Variants in LAMC1 observed in about 807,000 individuals in gnomAD.
LAMC1 encodes the protein laminin subunit gamma 1.
A neutral mutation model predicts 173.6 loss-of-function variants in LAMC1; 38 were observed. That is an observed-to-expected ratio of 0.22 (90% CI 0.17 to 0.29). LAMC1 has a LOEUF of 0.29. Among genes scored for constraint, LAMC1 ranks in the 10% least tolerant of loss-of-function variants. LAMC1 has a pLI of 1.00. For missense variants in LAMC1, 1,824 were observed against 2,051.8 expected, an observed-to-expected ratio of 0.89 and a Z score of 2.14; for synonymous variants, 746 against 749.1, an observed-to-expected ratio of 1.00 and a Z score of 0.07.
intron 1 of LAMC1, among the ~76,000 whole-genome samples, chr1:183,100,143 A>G (rs1558047682): frequency 1.3e-5 from 2 of 152,156 alleles, no homozygotes; most frequent in African/African-American, 2.4e-5. Flanking sequence ...CTAAGTTACT[A>G]TTGAAAACGG....
At chr1:183,033,794 C>T (rs879940236) in intron 1 of LAMC1, among the ~76,000 whole-genome samples, 11 of 151,726 alleles carry the variant, frequency 7.2e-5, no homozygotes, top group Admixed American at 5.2e-4. Flanking sequence ...CAGGTTCAAG[C>T]GATTCTCCTG....
chr1:183,088,528 G>A (rs142694485), intron 1 of LAMC1, among the ~76,000 whole-genome samples: 228 of 152,348 alleles, frequency 1.5e-3, no homozygotes, highest in African/African-American at 4.6e-3. Flanking sequence ...GTGCAAGGTT[G>A]CAATATAAAG....
chr1:183,058,459 A>G (rs976069028), intron 1 of LAMC1, among the ~76,000 whole-genome samples: 1 of 152,150 alleles, frequency 6.6e-6, no homozygotes, highest in African/African-American at 2.4e-5. Flanking sequence ...GATAATAGAG[A>G]TTCATATTGT....
rs374373558 is a variant in LAMC1 at position 183,108,309 on chromosome 1, C to G, written c.757C>G (p.Leu253Val). The change falls in exon 3 of 28, where the codon CTT (leucine) becomes GTT (valine). Residue 253 changes from leucine (L) to valine (V), a missense_variant. By Grantham distance (32) the Leu-to-Val change is conservative. Coordinates refer to ENST00000258341, the MANE Select transcript of LAMC1 (RefSeq NM_002293.4). ...AACTGCCACTGACATCAGAGTAACT[C>G]TTAATCGCCTGAACACTTTTGGAGA... Reference protein sequence around the residue: ...WVTATDIRVTLNRLNTFGDEV... With the variant: ...WVTATDIRVTVNRLNTFGDEV... 68 of 1,613,490 alleles carry G rather than the reference C, an allele frequency of 4.2e-5. No individual in the cohort carries two copies. Among genetic ancestry groups the G allele is most frequent in the Non-Finnish European group, 5.7e-5 (67 of 1,179,656 alleles).
intron 2 of LAMC1, 95 bp from the exon 3 acceptor site, chr1:183,108,178 AATG>A (rs1481243163): frequency 8.8e-7 from 1 of 1,140,092 alleles, no homozygotes; most frequent in Non-Finnish European, 1.3e-6. Context: ...GCGTAAGTTA[AATG>A]ATAATAAGTT....
rs375599977 is a variant in LAMC1, at chr1:183,126,248, C to G, written c.2930C>G (p.Pro977Arg). ...RCEVNHFGFG[P>R]EGCKPCDCHP... is the part of the protein sequence containing the mutation. ...GAGGTCAACCACTTTGGGTTTGGAC[C>G]TGAAGGCTGCAAACGTAAGGGGTGT... The change falls in exon 16 of 28, where the codon CCT (proline) becomes CGT (arginine). Residue 977 changes from proline (P) to arginine (R), a missense_variant. Physicochemically the swap from Pro to Arg is moderately radical, Grantham distance 103. Coordinates refer to ENST00000258341, the MANE Select transcript of LAMC1 (RefSeq NM_002293.4). 1.9e-6 allele frequency: 3 copies of G among 1,613,728 alleles called. No individual in the cohort carries two copies. The South Asian group carries it at 3.3e-5, about 18-fold the overall frequency.
At chr1:183,127,078 C>G (rs963589626) in intron 16 of LAMC1, 148 bp from the exon 17 acceptor site, 14 of 637,442 alleles carry the variant, frequency 2.2e-5, no homozygotes, top group Non-Finnish European at 3.6e-5. Flanking sequence ...CAGACTTAGC[C>G]ATTTAAGATC....
chr1:183,122,431 C>G (rs946182471), intron 13 of LAMC1, among the ~76,000 whole-genome samples, 180 bp downstream of exon 13: 4 of 152,174 alleles, frequency 2.6e-5, no homozygotes, highest in African/African-American at 9.7e-5. Context: ...TGGGTATCCC[C>G]TGATTGTCTC....
At chr1:183,087,398 C>G (rs1036369975) in intron 1 of LAMC1, among the ~76,000 whole-genome samples, 1 of 152,134 alleles carries the variant, frequency 6.6e-6, no homozygotes, top group African/African-American at 2.4e-5. Context: ...CCCTCAAAAT[C>G]TTACGTTCTT....
chr1:183,132,648 G>A lies in LAMC1; in HGVS notation c.3704+111G>A, dbSNP rs941653974. On this transcript the variant is annotated intron_variant, in intron 21 of 27. Coordinates refer to ENST00000258341, the MANE Select transcript of LAMC1 (RefSeq NM_002293.4). ...TTCAGGGCATACATTCATGCAGTAA[G>A]ATTTCCTTTGTTAATCATGCTTTTG... The A allele has an allele frequency of 1.3e-5, 10 of 777,650 alleles. No homozygotes were observed. In the East Asian group the frequency reaches 2.6e-4, roughly 20 times the overall value. 48.2% of individuals were successfully genotyped at this position (777,650 alleles called of 1,614,324 possible).
chr1:183,087,403 G>A lies in LAMC1; in HGVS notation c.419-15925G>A, dbSNP rs540585167. On this transcript the variant is annotated intron_variant, in intron 1 of 27. Coordinates refer to ENST00000258341, the MANE Select transcript of LAMC1 (RefSeq NM_002293.4). The stretch of plus-strand genomic sequence containing the variant: ...TGAGTCCGGGCCCTCAAAATCTTAC[G>A]TTCTTATGTGTGTATGTGTGTGACA... 2.6e-5 allele frequency among the ~76,000 whole-genome samples: 4 copies of A among 152,212 alleles called. No homozygotes were observed. The South Asian group carries it at 6.2e-4, about 24-fold the overall frequency.
intron 11 of LAMC1, among the ~76,000 whole-genome samples, chr1:183,118,960 A>G (rs1348496007): frequency 6.6e-6 from 1 of 152,000 alleles, no homozygotes; most frequent in Non-Finnish European, 1.5e-5. Flanking sequence ...GTGCAATAGC[A>G]TGATCTTGGC....
At chr1:183,092,387 G>A (rs1655586235) in intron 1 of LAMC1, among the ~76,000 whole-genome samples, 2 of 151,636 alleles carry the variant, frequency 1.3e-5, no homozygotes, top group African/African-American at 2.4e-5. Flanking sequence ...ACATGTTCTC[G>A]GGATCTCCTA....
intron 1 of LAMC1, among the ~76,000 whole-genome samples, chr1:183,074,828 T>C (rs1459042711): frequency 6.6e-6 from 1 of 152,060 alleles, no homozygotes; most frequent in Admixed American, 6.5e-5. Context: ...AAAAGAAAAA[T>C]GAAACTTTAC....
At chr1:183,032,262 AG>A (rs1385695089) in intron 1 of LAMC1, among the ~76,000 whole-genome samples, 1 of 152,238 alleles carries the variant, frequency 6.6e-6, no homozygotes, top group Non-Finnish European at 1.5e-5. Context: ...TGGCACCCTC[AG>A]ATCTCTTGTG....
rs1656593205 is a variant in LAMC1, at chr1:183,125,440, C to T, written c.2691C>T (p.Ser897=). 6.2e-7 allele frequency: 1 copy of T among 1,614,164 alleles called. No individual in the cohort carries two copies. Among genetic ancestry groups the T allele is most frequent in the Non-Finnish European group, 8.5e-7 (1 of 1,180,002 alleles). ...NLYGTMKQQS[S]CNPVTGQCEC... is the part of the protein sequence containing the mutation. ...ATGGGACCATGAAGCAGCAGAGCAG[C>T]TGTAACCCCGTGACGGGGCAGTGTG... Residue 897 remains serine (S), a synonymous_variant, in exon 15 of 28, where the codon AGC becomes AGT. Transcript: ENST00000258341.
chr1:183,078,285 C>T (rs568123636), intron 1 of LAMC1, among the ~76,000 whole-genome samples: 1 of 152,174 alleles, frequency 6.6e-6, no homozygotes, highest in Admixed American at 6.5e-5. Flanking sequence ...GGAACTAAAC[C>T]TTTAACAGAT....
chr1:183,085,317 T>C (rs527547873), intron 1 of LAMC1, among the ~76,000 whole-genome samples: 4 of 152,184 alleles, frequency 2.6e-5, no homozygotes, highest in African/African-American at 9.7e-5. Context: ...GTGTTGCTCC[T>C]TGACTGGTGG....
At chr1:183,069,368 A>G (rs936579426) in intron 1 of LAMC1, among the ~76,000 whole-genome samples, 2 of 152,230 alleles carry the variant, frequency 1.3e-5, no homozygotes, top group Non-Finnish European at 2.9e-5. Context: ...ATGATTAGCT[A>G]TTCATCAATA....
Sources: allele counts gnomAD v4.1 joint callset (sites outside exome capture counted in the v4.1 genomes callset), GRCh38; gene constraint gnomAD v4.1.1; transcripts MANE v1.5; gene names NCBI Gene and HGNC (gene_info 2026-07-23, HGNC 2026-07-21).